RPS6KC1: variants seen among roughly 807,000 people sequenced by gnomAD.
RPS6KC1 encodes the protein ribosomal protein S6 kinase C1, also known as inactive ribosomal protein S6 kinase delta-1.
Under a neutral mutation model 103.8 loss-of-function variants are expected in RPS6KC1, and 54 were observed. The observed-to-expected ratio is 0.52, with a 90% CI of 0.42 to 0.65. The LOEUF is 0.65. RPS6KC1 is among the 30% of genes least tolerant of loss of function. The probability of loss-of-function intolerance (pLI) is 0.00; values close to 1 mark genes in which losing one functional copy is unlikely to be tolerated. For synonymous variants in RPS6KC1, 439 were observed against 438.7 expected (o/e 1.00, Z -0.01); for missense variants, 1,151 against 1,253.8 (o/e 0.92, Z 1.24).
the RPS6KC1 span, among the ~76,000 whole-genome samples, chr1:213,330,603 G>T: frequency 1.3e-5 from 2 of 152,196 alleles, no homozygotes; most frequent in Non-Finnish European, 2.9e-5. Context: ...GAGGAGGGAA[G>T]TTGGTGTTAA....
At chr1:213,566,436 A>AGTTTTTTTTTTTT in the RPS6KC1 span, among the ~76,000 whole-genome samples, 2 of 25,760 alleles carry the variant, frequency 7.8e-5, no homozygotes, top group Admixed American at 8.8e-4. Context: ...CTCAGCCTTT[A>AGTTTTTTTTTTTT]GTTTTTTTTT....
At chr1:213,502,922 A>G in the RPS6KC1 span, among the ~76,000 whole-genome samples, 334 of 144,630 alleles carry the variant, frequency 2.3e-3, 2 homozygotes, top group South Asian at 9.6e-3. Flanking sequence ...AAACTGGAAC[A>G]GAAATAGAGA....
At chr1:213,077,671 A>T (rs1558270008) in intron 2 of RPS6KC1, 25 bp from the exon 3 acceptor site, 4 of 1,346,962 alleles carry the variant, frequency 3.0e-6, no homozygotes, top group Non-Finnish European at 4.1e-6. Context: ...GTTATGAGAT[A>T]CATGTTTAAT....
chr1:213,666,137 A>G, the RPS6KC1 span, among the ~76,000 whole-genome samples: 2 of 152,202 alleles, frequency 1.3e-5, no homozygotes, highest in Non-Finnish European at 2.9e-5. Context: ...AAGAGAGAAA[A>G]TGAAGCTGGC....
chr1:213,216,444 C>T (rs2093662296), intron 8 of RPS6KC1, among the ~76,000 whole-genome samples: 1 of 152,152 alleles, frequency 6.6e-6, no homozygotes, highest in African/African-American at 2.4e-5. Context: ...ACCGCACTGT[C>T]AACATTAGAC....
At chr1:213,363,686 CT>C in the RPS6KC1 span, among the ~76,000 whole-genome samples, 4 of 102,872 alleles carry the variant, frequency 3.9e-5, no homozygotes, top group African/African-American at 1.0e-4. Flanking sequence ...TTCTTTCTTT[CT>C]TTCTTTCTTT....
rs192891825 is a variant in RPS6KC1, at chr1:213,099,518, A to G, written c.263-4936A>G. On this transcript the variant is annotated intron_variant, in intron 3 of 14. Coordinates refer to ENST00000366960, the MANE Select transcript of RPS6KC1 (RefSeq NM_012424.6). ...CAGTATTTGTTTACATTTTGTTTAG[A>G]TAAGTTTACACACAGTTAAATGCAC... 3.4e-4 allele frequency among the ~76,000 whole-genome samples: 52 copies of G among 152,318 alleles called. No individual in the cohort carries two copies. The East Asian group carries it at 8.5e-3, about 25-fold the overall frequency.
the RPS6KC1 span, among the ~76,000 whole-genome samples, chr1:213,347,705 A>G: frequency 6.6e-6 from 1 of 152,314 alleles, no homozygotes; most frequent in Non-Finnish European, 1.5e-5. Flanking sequence ...CCCTGTCCCT[A>G]AAACATAAAC....
chr1:213,732,915 C>T, the RPS6KC1 span, among the ~76,000 whole-genome samples: 1 of 152,192 alleles, frequency 6.6e-6, no homozygotes, highest in Non-Finnish European at 1.5e-5. Context: ...TCTTCCTGTG[C>T]CTGGCTTGTT....
At chr1:213,180,168 A>T (rs527430089) in intron 8 of RPS6KC1, among the ~76,000 whole-genome samples, 4 of 152,310 alleles carry the variant, frequency 2.6e-5, no homozygotes, top group Admixed American at 2.6e-4. Flanking sequence ...TGATTAAAAA[A>T]AAATGTGTAG....
chr1:213,190,777 T>G (rs1003988256), intron 8 of RPS6KC1, among the ~76,000 whole-genome samples: 10 of 152,296 alleles, frequency 6.6e-5, no homozygotes, highest in Admixed American at 6.5e-4. Context: ...GTTTCATAGC[T>G]TGAGGGATTA....
At chr1:213,675,824 C>T in the RPS6KC1 span, among the ~76,000 whole-genome samples, 1 of 152,178 alleles carries the variant, frequency 6.6e-6, no homozygotes, top group Non-Finnish European at 1.5e-5. Flanking sequence ...TGGTAGTGAG[C>T]CAAGATGGCA....
chr1:213,349,368 A>G, the RPS6KC1 span, among the ~76,000 whole-genome samples: 1 of 152,202 alleles, frequency 6.6e-6, no homozygotes, highest in African/African-American at 2.4e-5. Context: ...ACGGTAATGC[A>G]TGACCACTTG....
intron 3 of RPS6KC1, among the ~76,000 whole-genome samples, chr1:213,091,769 T>C (rs1337653433): frequency 1.3e-5 from 2 of 152,214 alleles, no homozygotes; most frequent in African/African-American, 4.8e-5. Context: ...TTGGTTATTT[T>C]CCTTGAATTG....
the RPS6KC1 span, among the ~76,000 whole-genome samples, chr1:213,496,338 A>T: frequency 1.3e-5 from 2 of 152,220 alleles, no homozygotes; most frequent in Non-Finnish European, 2.9e-5. Context: ...TGTAAAAAAA[A>T]TAATAACAGT....
At chr1:213,640,206 G>A in the RPS6KC1 span, among the ~76,000 whole-genome samples, 13 of 151,846 alleles carry the variant, frequency 8.6e-5, 1 homozygote, top group Admixed American at 3.9e-4. Context: ...TCTGTATTTC[G>A]TTATTTCCTT....
intron 8 of RPS6KC1, among the ~76,000 whole-genome samples, chr1:213,199,508 G>A (rs1406762003): frequency 6.6e-6 from 1 of 152,072 alleles, no homozygotes; most frequent in Non-Finnish European, 1.5e-5. Context: ...AAAATAATAC[G>A]AGCCATCCAT....
the RPS6KC1 span, among the ~76,000 whole-genome samples, chr1:213,446,289 A>G: frequency 6.6e-6 from 1 of 152,206 alleles, no homozygotes; most frequent in South Asian, 2.1e-4. Flanking sequence ...TCTCTTTTCT[A>G]TCCATTTTAT....
chr1:213,174,200 G>T (rs2091690329), intron 7 of RPS6KC1, among the ~76,000 whole-genome samples: 1 of 152,194 alleles, frequency 6.6e-6, no homozygotes, highest in Admixed American at 6.5e-5. Flanking sequence ...CTTTAGAATA[G>T]TAGTTGGAGT....
Sources: allele counts gnomAD v4.1 joint callset (sites outside exome capture counted in the v4.1 genomes callset), GRCh38; gene constraint gnomAD v4.1.1; transcripts MANE v1.5; gene names NCBI Gene and HGNC (gene_info 2026-07-23, HGNC 2026-07-21).